The following ROBO2 variants were observed in gnomAD, a reference collection of about 807,000 sequenced individuals.
ROBO2 encodes the protein roundabout homolog 2.
In ROBO2, 53 loss-of-function variants were observed where a neutral mutation model predicts 160.8. The observed-to-expected ratio is 0.33, with a 90% confidence interval of 0.26 to 0.41. The LOEUF is 0.41. Ranked by LOEUF, ROBO2 falls within the 10% of genes least tolerant of loss-of-function variation. The pLI is 1.00. For missense variants in ROBO2, 1,577 were observed against 1,722.4 expected (o/e 0.92, Z 1.49); for synonymous variants, 664 against 611.7 (o/e 1.09, Z -1.26).
intron 2 of ROBO2, among the ~76,000 whole-genome samples, chr3:76,613,905 T>C (rs1221628261): frequency 6.6e-6 from 1 of 152,112 alleles, no homozygotes; most frequent in Non-Finnish European, 1.5e-5. Context: ...TGAAAAATGA[T>C]AGGATAATAT....
At chr3:76,760,894 A>T (rs1190706065) in intron 2 of ROBO2, among the ~76,000 whole-genome samples, 1 of 151,696 alleles carries the variant, frequency 6.6e-6, no homozygotes, top group African/African-American at 2.4e-5. Context: ...TTAATATGGT[A>T]CATTTATTGT....
intron 2 of ROBO2, among the ~76,000 whole-genome samples, chr3:76,603,350 AAATATATATATATAT>A (rs1256418443): frequency 1.6e-5 from 1 of 63,262 alleles, no homozygotes; most frequent in Non-Finnish European, 2.9e-5. Flanking sequence ...AAAAAAAAAA[AAATATATATATATAT>A]ATATATATAT....
At chr3:76,105,031 A>G (rs2069859347) in intron 2 of ROBO2, among the ~76,000 whole-genome samples, 1 of 152,162 alleles carries the variant, frequency 6.6e-6, no homozygotes, top group Admixed American at 6.5e-5. Context: ...TGCCAGGGTA[A>G]AGAGAAAAGC....
At chr3:77,284,362 C>T (rs1017705904) in intron 2 of ROBO2, among the ~76,000 whole-genome samples, 7 of 152,092 alleles carry the variant, frequency 4.6e-5, no homozygotes, top group African/African-American at 1.7e-4. Context: ...TATAAAGACA[C>T]CGATGGTGTC....
intron 2 of ROBO2, among the ~76,000 whole-genome samples, chr3:77,463,094 T>C (rs187186874): frequency 2.0e-5 from 3 of 152,284 alleles, no homozygotes; most frequent in East Asian, 3.9e-4. Flanking sequence ...CCATCTTTCA[T>C]TGAAATATCT....
rs547223650 is a variant in ROBO2 at position 77,550,168 on chromosome 3, G to GT, written c.1060-649dup. 1.7e-3 allele frequency among the ~76,000 whole-genome samples: 265 copies of GT among 152,006 alleles called. 2 individuals carry two copies. The highest frequency in any genetic ancestry group is 1.6e-3 in the Non-Finnish European group (108 of 67,924). ...AAGTAATATTATGAAATTGTTTAAG[G>GT]TAACACACTTTTAGAAACATTCTAC... On this transcript the variant is annotated intron_variant, in intron 7 of 25. Transcript: ENST00000461745.
chr3:76,095,487 C>T (rs1559548963), intron 2 of ROBO2, among the ~76,000 whole-genome samples: 1 of 151,904 alleles, frequency 6.6e-6, no homozygotes. Flanking sequence ...TTGGGCTGAC[C>T]ACTAGTTATA....
chr3:77,148,186 C>T (rs2077262585), intron 2 of ROBO2, among the ~76,000 whole-genome samples: 1 of 152,218 alleles, frequency 6.6e-6, no homozygotes, highest in Non-Finnish European at 1.5e-5. Flanking sequence ...TGTGCTTCCT[C>T]CTTCAATGCC....
At chr3:76,931,051 A>T (rs140356146) in intron 2 of ROBO2, among the ~76,000 whole-genome samples, 69 of 152,230 alleles carry the variant, frequency 4.5e-4, no homozygotes, top group African/African-American at 1.6e-3. Flanking sequence ...CTCTGTTTTC[A>T]CTGCTGCCTC....
chr3:76,061,285 C>T (rs1191045074), intron 2 of ROBO2, among the ~76,000 whole-genome samples: 1 of 152,180 alleles, frequency 6.6e-6, no homozygotes, highest in Non-Finnish European at 1.5e-5. Context: ...CATCCTGCAT[C>T]TCATGGTCAG....
intron 2 of ROBO2, among the ~76,000 whole-genome samples, chr3:76,856,988 GC>G (rs2070173597): frequency 6.6e-6 from 1 of 152,014 alleles, no homozygotes; most frequent in African/African-American, 2.4e-5. Flanking sequence ...ACGAATGCGT[GC>G]TTTTTTTTTC....
chr3:76,640,252 C>T lies in ROBO2; in HGVS notation c.110-457762C>T, dbSNP rs757835863. 8.5e-5 allele frequency among the ~76,000 whole-genome samples: 13 copies of T among 152,102 alleles called. 1 individual carries two copies. The highest frequency in any genetic ancestry group is 4.1e-4 in the South Asian group (2 of 4,832). On this transcript the variant is annotated intron_variant, in intron 2 of 26. Transcript: ENST00000487694. The stretch of plus-strand genomic sequence containing the variant: ...TAGACATCAAAATAAACATCAGGGC[C>T]GGGCGCGGTGGCTCACGCCTGTAAT...
At chr3:76,267,724 A>G (rs1707181468) in intron 2 of ROBO2, among the ~76,000 whole-genome samples, 1 of 152,154 alleles carries the variant, frequency 6.6e-6, no homozygotes, top group South Asian at 2.1e-4. Flanking sequence ...TAAATATGGG[A>G]TTACAATATA....
intron 2 of ROBO2, among the ~76,000 whole-genome samples, chr3:76,159,106 G>A (rs1328996879): frequency 6.6e-6 from 1 of 152,126 alleles, no homozygotes; most frequent in East Asian, 1.9e-4. Context: ...CTCCTAGCTT[G>A]CATGGCTAAC....
In ROBO2 at chr3:77,079,013, G is replaced by A. The variant is rs374516157; in HGVS notation, c.62-19001G>A. 2.0e-4 allele frequency among the ~76,000 whole-genome samples: 31 copies of A among 152,086 alleles called. No homozygotes were observed. In the East Asian group the frequency reaches 5.2e-3, roughly 26 times the overall value. The stretch of plus-strand genomic sequence containing the variant: ...GGCTGGAGTGCAGTGGTGCGATCTC[G>A]GCTCACTGCAACCTCTGCCCCCTGA... On this transcript the variant is annotated intron_variant, in intron 1 of 25. Transcript: ENST00000461745.
chr3:76,103,030 A>T (rs1263057470), intron 2 of ROBO2, among the ~76,000 whole-genome samples: 3 of 152,002 alleles, frequency 2.0e-5, no homozygotes, highest in Non-Finnish European at 4.4e-5. Context: ...TCACCATGTT[A>T]GCCAGGATGG....
intron 2 of ROBO2, among the ~76,000 whole-genome samples, chr3:76,584,689 G>C (rs1305446342): frequency 6.6e-6 from 1 of 152,036 alleles, no homozygotes; most frequent in African/African-American, 2.4e-5. Context: ...TCTAGTCTGT[G>C]GTACTTTGTT....
At chr3:76,549,292 C>G (rs573898479) in intron 2 of ROBO2, among the ~76,000 whole-genome samples, 1 of 152,174 alleles carries the variant, frequency 6.6e-6, no homozygotes, top group East Asian at 1.9e-4. Context: ...CTCTTTTCCC[C>G]AAAGTCTTTT....
chr3:77,096,492 G>A (rs138227791), intron 1 of ROBO2, among the ~76,000 whole-genome samples: 7 of 145,520 alleles, frequency 4.8e-5, no homozygotes, highest in Admixed American at 7.0e-5. Flanking sequence ...CTTGTCACTC[G>A]GGCTGGAGTG....
Sources: gnomAD v4.1 joint callset for allele counts (sites outside exome capture counted in the v4.1 genomes callset) on GRCh38, gnomAD v4.1.1 for gene constraint, MANE v1.5 for transcripts, NCBI Gene and HGNC (gene_info 2026-07-23, HGNC 2026-07-21) for gene names.